SLC2A9: variants seen among roughly 807,000 people sequenced by gnomAD.
SLC2A9 encodes solute carrier family 2, facilitated glucose transporter member 9.
Under a neutral mutation model 50.6 loss-of-function variants are expected in SLC2A9, and 39 were observed. The ratio of observed to expected loss-of-function variants is 0.77; its 90% CI spans 0.60 to 1.01. The LOEUF (loss-of-function observed/expected upper bound fraction) is 1.01. Ranked by LOEUF, SLC2A9 falls within the 50% of genes least tolerant of loss-of-function variation. The pLI, the probability that SLC2A9 is intolerant of heterozygous loss-of-function variation, is 0.00. For synonymous variants in SLC2A9, 324 were observed against 276.9 expected (o/e 1.17, Z -1.69); for missense variants, 686 against 677.6 (o/e 1.01, Z -0.14).
intron 10 of SLC2A9, among the ~76,000 whole-genome samples, chr4:9,885,583 C>T (rs556695790): frequency 2.5e-4 from 38 of 152,324 alleles, no homozygotes; most frequent in African/African-American, 8.2e-4. Context: ...TCTTCCCTGC[C>T]AGCCTTTGCT....
At chr4:9,845,831 G>A (rs1444848849) in intron 10 of SLC2A9, among the ~76,000 whole-genome samples, 2 of 152,120 alleles carry the variant, frequency 1.3e-5, no homozygotes, top group Non-Finnish European at 2.9e-5. Flanking sequence ...TAAATTTTCC[G>A]TTAAGCACCA....
chr4:9,876,203 G>C (rs1228538516), intron 10 of SLC2A9, among the ~76,000 whole-genome samples: 1 of 152,132 alleles, frequency 6.6e-6, no homozygotes, highest in African/African-American at 2.4e-5. Context: ...GTTTACCCCT[G>C]AGGTGGTTGA....
chr4:9,774,583 G>T (rs1717286895), intron 1 of SLC2A9, among the ~76,000 whole-genome samples: 1 of 152,096 alleles, frequency 6.6e-6, no homozygotes, highest in South Asian at 2.1e-4. Flanking sequence ...GGCTTTGTCA[G>T]TTGTAACAAC....
At chr4:9,908,437 G>C in intron 7 of SLC2A9, 92 bp from the exon 8 acceptor site, 1 of 880,000 alleles carries the variant, frequency 1.1e-6, no homozygotes. Flanking sequence ...GTGGTCTCTG[G>C]ATTAAACTCA....
intron 5 of SLC2A9, among the ~76,000 whole-genome samples, chr4:9,958,509 G>A (rs1471085585): frequency 2.0e-5 from 3 of 152,150 alleles, no homozygotes; most frequent in Admixed American, 1.3e-4. Flanking sequence ...AGGCCTAAGG[G>A]AGAAATAACA....
At chr4:9,889,594 A>G (rs1294092600) in intron 9 of SLC2A9, among the ~76,000 whole-genome samples, 1 of 152,196 alleles carries the variant, frequency 6.6e-6, no homozygotes, top group Non-Finnish European at 1.5e-5. Flanking sequence ...CGTGCTTGCC[A>G]GCCCCACCTC....
In SLC2A9 at chr4:9,861,703, GTGAA is replaced by G. The variant is rs56975965; in HGVS notation, c.1291+25860_1291+25863del. Among the ~76,000 whole-genome samples the G allele has an allele frequency of 7.6e-3, 1,143 of 150,864 alleles. 36 individuals are homozygous for G. In the East Asian group the frequency reaches 0.1, roughly 14 times the overall value. On this transcript the variant is annotated intron_variant, in intron 10 of 11. Transcript: ENST00000264784. ...ATAGGGGCTCAATAAATATGGATAAGTGAATGAATGAATGAATGAATGAATGAAT... is the reference window on the plus strand; with the variant it reads ...ATAGGGGCTCAATAAATATGGATAAGTGAATGAATGAATGAATGAATGAAT...
At chr4:9,804,101 G>A (rs1427425892) in intron 3 of SLC2A9, among the ~76,000 whole-genome samples, 1 of 152,194 alleles carries the variant, frequency 6.6e-6, no homozygotes, top group Non-Finnish European at 1.5e-5. Context: ...TATAAGGAGA[G>A]CAAGATACAT....
chr4:10,035,578 G>T (rs547289263), intron 1 of SLC2A9: 1 of 152,260 alleles, frequency 6.6e-6, no homozygotes, highest in African/African-American at 2.4e-5. Flanking sequence ...AATTTCAGGT[G>T]CCTGAATTAA....
At chr4:9,859,147 T>C (rs1731210585) in intron 10 of SLC2A9, among the ~76,000 whole-genome samples, 2 of 152,208 alleles carry the variant, frequency 1.3e-5, no homozygotes, top group South Asian at 4.1e-4. Context: ...TTGCAAATGG[T>C]CTATCGTGGG....
intron 5 of SLC2A9, among the ~76,000 whole-genome samples, chr4:9,980,281 A>G (rs115360140): frequency 4.0e-3 from 604 of 152,370 alleles, no homozygotes; most frequent in Non-Finnish European, 7.0e-3. Context: ...CAAAGCCACA[A>G]TAAACTATAT....
chr4:9,956,397 G>A (rs956449598), intron 5 of SLC2A9, among the ~76,000 whole-genome samples: 6 of 152,006 alleles, frequency 3.9e-5, no homozygotes, highest in South Asian at 4.2e-4. Flanking sequence ...GGAGAATGGC[G>A]TGAATCTGGG....
chr4:10,016,920 T>C (rs6844329), intron 2 of SLC2A9, among the ~76,000 whole-genome samples: 66,927 of 151,880 alleles, frequency 0.44, 16,369 homozygotes, highest in South Asian at 0.59. Context: ...ATCCTGCTTT[T>C]CCACCTCTTC....
intron 3 of SLC2A9, among the ~76,000 whole-genome samples, chr4:9,786,287 C>A (rs112673287): frequency 1.4e-4 from 21 of 152,294 alleles, no homozygotes; most frequent in African/African-American, 5.1e-4. Flanking sequence ...GGCTAAATAA[C>A]CAGCCTGTGG....
At chr4:10,015,476 C>A (rs936851659) in intron 2 of SLC2A9, among the ~76,000 whole-genome samples, 1 of 152,170 alleles carries the variant, frequency 6.6e-6, no homozygotes. Context: ...ACTACCTTGA[C>A]CTGAATTGTG....
At chr4:9,801,891 T>C (rs543844267) in intron 3 of SLC2A9, among the ~76,000 whole-genome samples, 1 of 152,366 alleles carries the variant, frequency 6.6e-6, no homozygotes, top group East Asian at 1.9e-4. Flanking sequence ...TGATGCATTT[T>C]AATGGCTTTT....
chr4:9,822,527 G>A (rs7695879), downstream of SLC2A9, among the ~76,000 whole-genome samples: 24,258 of 151,726 alleles, frequency 0.16, 2,583 homozygotes, highest in African/African-American at 0.3. Flanking sequence ...TTGCATTTGC[G>A]TACTATATAT....
intron 10 of SLC2A9, among the ~76,000 whole-genome samples, chr4:9,853,638 T>C (rs1462249310): frequency 6.6e-6 from 1 of 152,132 alleles, no homozygotes; most frequent in Non-Finnish European, 1.5e-5. Context: ...AACTTAACAC[T>C]GACCAAATGA....
intron 3 of SLC2A9, chr4:9,782,560 G>C (rs754515760): frequency 1.2e-6 from 2 of 1,613,848 alleles, no homozygotes; most frequent in African/African-American, 2.7e-5. Flanking sequence ...TTCCGGTCCA[G>C]CTCAACTGGC....
Sources: gnomAD v4.1 joint callset for allele counts (sites outside exome capture counted in the v4.1 genomes callset) on GRCh38, gnomAD v4.1.1 for gene constraint, MANE v1.5 for transcripts, NCBI Gene and HGNC (gene_info 2026-07-23, HGNC 2026-07-21) for gene names.